The following RSBN1 variants were observed in gnomAD, a reference collection of about 807,000 sequenced individuals.
RSBN1 encodes lysine-specific demethylase 9.
RSBN1 carries 23 observed loss-of-function variants against 74.8 expected under a neutral mutation model. The ratio of observed to expected loss-of-function variants is 0.31; its 90% confidence interval spans 0.22 to 0.44. The LOEUF (loss-of-function observed/expected upper bound fraction) is 0.44. RSBN1 is among the 20% of genes least tolerant of loss of function. The probability of loss-of-function intolerance (pLI) is 1.00; values close to 1 mark genes in which losing one functional copy is unlikely to be tolerated. For synonymous variants in RSBN1, 407 were observed against 379.6 expected, an observed-to-expected ratio of 1.07 and a Z score of -0.84; for missense variants, 808 against 1,020.9, an observed-to-expected ratio of 0.79 and a Z score of 2.84.
At chr1:113,801,996 C>T (rs1660594250) in intron 1 of RSBN1, among the ~76,000 whole-genome samples, 1 of 150,464 alleles carries the variant, frequency 6.6e-6, no homozygotes. Context: ...TTACTCTCAT[C>T]CAGGCTGGAG....
At chr1:113,802,202 C>G (rs1660599011) in intron 1 of RSBN1, among the ~76,000 whole-genome samples, 1 of 151,772 alleles carries the variant, frequency 6.6e-6, no homozygotes, top group South Asian at 2.1e-4. Context: ...GTGATCTATC[C>G]GCCTCGGCCT....
intron 4 of RSBN1, among the ~76,000 whole-genome samples, chr1:113,770,981 T>G (rs1659875996): frequency 6.6e-6 from 1 of 151,622 alleles, no homozygotes; most frequent in Admixed American, 6.6e-5. Context: ...GTAAGAAAAA[T>G]TATCAGAAAG....
At chr1:113,796,144 A>G (rs1660467978) in intron 2 of RSBN1, 1 of 152,166 alleles carries the variant, frequency 6.6e-6, no homozygotes. Context: ...AAAAATGAAA[A>G]TGAAAAAAGA....
intron 1 of RSBN1, among the ~76,000 whole-genome samples, chr1:113,801,418 T>C (rs1660582735): frequency 6.6e-6 from 1 of 152,206 alleles, no homozygotes; most frequent in Non-Finnish European, 1.5e-5. Context: ...TGAATTACCG[T>C]GGTGGCAACT....
chr1:113,788,759 AC>A (rs1660307286), intron 2 of RSBN1, among the ~76,000 whole-genome samples: 1 of 152,164 alleles, frequency 6.6e-6, no homozygotes, highest in African/African-American at 2.4e-5. Flanking sequence ...AGGAGAAAGG[AC>A]AAATAGAAAC....
At position 113,811,830 on chromosome 1, in the gene RSBN1, G is replaced by A; in HGVS notation, c.583C>T (p.His195Tyr). The A allele has an allele frequency of 1.2e-6, 2 of 1,613,794 alleles. No homozygotes were observed. Among genetic ancestry groups the A allele is most frequent in the Non-Finnish European group, 1.7e-6 (2 of 1,179,972 alleles). ...HKGHKERHKHHHHRGPDGDPS... is the reference protein window; with the variant it reads ...HKGHKERHKHYHHRGPDGDPS... ...TCACCATCGGGGCCGCGGTGGTGAT[G>A]GTGCTTGTGCCGCTCCTTGTGGCCC... is the stretch of plus-strand genomic sequence containing the variant. Residue 195 changes from histidine (H) to tyrosine (Y), a missense_variant, in exon 1 of 7, where the codon CAT becomes TAT. His to Tyr is a moderately conservative substitution (Grantham distance 83). This residue lies in a region of RSBN1 where 464 missense variants were observed against 401.0 expected (regional missense o/e 1.16). Transcript: ENST00000261441.
Position 113,811,855 on chromosome 1 carries a change from C to A in RSBN1, c.558G>T (p.Lys186Asn). ...LTVSAAGPKH[K>N]GHKERHKHHH... ...GGTGCTTGTGCCGCTCCTTGTGGCC[C>A]TTATGCTTGGGCCCGGCCGCGCTCA... The change falls in exon 1 of 7, where the codon AAG becomes AAT. Residue 186 changes from lysine to asparagine, a missense_variant. This residue lies in a region of RSBN1 where 464 missense variants were observed against 401.0 expected (regional missense o/e 1.16). Coordinates refer to ENST00000261441, the MANE Select transcript of RSBN1 (RefSeq NM_018364.5). The A allele has an allele frequency of 6.2e-7, 1 of 1,613,592 alleles. No homozygotes were observed. Among genetic ancestry groups the A allele is most frequent in the East Asian group, 2.2e-5 (1 of 44,830 alleles).
chr1:113,798,240 C>A (rs1225384339), intron 1 of RSBN1, among the ~76,000 whole-genome samples: 2 of 151,848 alleles, frequency 1.3e-5, no homozygotes, highest in Non-Finnish European at 2.9e-5. Context: ...TTGAAGGTAT[C>A]CATTTTTCAA....
In RSBN1 at chr1:113,777,815, TAAAAC is replaced by T. The variant is rs1660060432; in HGVS notation, c.1378-12_1378-8del. 1 of 1,539,386 alleles carries T rather than the reference TAAAAC, an allele frequency of 6.5e-7. No homozygotes were observed. The highest frequency in any genetic ancestry group is 8.8e-7 in the Non-Finnish European group (1 of 1,138,766). ...AGCAGTATGTCCTGTTGACCTAAGATAAAACAAAAGAGGGAAAAATGGACTGAGGT... is the reference window on the plus strand; with the variant it reads ...AGCAGTATGTCCTGTTGACCTAAGATAAAAGAGGGAAAAATGGACTGAGGT... On this transcript the variant is annotated splice_region_variant and splice_polypyrimidine_tract_variant and intron_variant, in intron 2 of 6. Transcript: ENST00000261441.
rs1007274841 is a variant in RSBN1, at chr1:113,804,975, T to C, written c.703+6735A>G. On this transcript the variant is annotated intron_variant, in intron 1 of 6. Coordinates refer to ENST00000261441, the MANE Select transcript of RSBN1 (RefSeq NM_018364.5). ...AGCATACATATGAGCAATCCGGTCA[T>C]GTAATGACATTGGAGAAGACAGCCT... Among the ~76,000 whole-genome samples the C allele has an allele frequency of 5.9e-5, 9 of 151,782 alleles. No homozygotes were observed. In the East Asian group the frequency reaches 1.4e-3, roughly 23 times the overall value.
chr1:113,773,277 C>A (rs1659916380), intron 4 of RSBN1, among the ~76,000 whole-genome samples: 1 of 152,222 alleles, frequency 6.6e-6, no homozygotes, highest in African/African-American at 2.4e-5. Flanking sequence ...GAAATCCCAG[C>A]ACTTTGGCAG....
intron 1 of RSBN1, among the ~76,000 whole-genome samples, chr1:113,799,418 G>T (rs560576069): frequency 6.6e-6 from 1 of 152,226 alleles, no homozygotes; most frequent in South Asian, 2.1e-4. Flanking sequence ...CATTAAGTTT[G>T]GGGGAAGCTC....
chr1:113,768,414 A>G, intron 4 of RSBN1, 25 bp from the exon 5 acceptor site: 1 of 1,557,816 alleles, frequency 6.4e-7, no homozygotes, highest in Admixed American at 1.9e-5. Flanking sequence ...GTTGTTAAAC[A>G]AAGGGTAAGC....
intron 2 of RSBN1, among the ~76,000 whole-genome samples, chr1:113,793,192 G>C (rs919742151): frequency 9.9e-5 from 15 of 152,074 alleles, no homozygotes; most frequent in African/African-American, 3.4e-4. Flanking sequence ...GAAAATCTGG[G>C]TAAGAGCCCA....
Position 113,766,112 on chromosome 1 carries a change from A to C in RSBN1, c.2277T>G (p.Ser759=), listed in dbSNP as rs1310412597. ...GATTAAGTTCTGATGCAGGTGGGAA[A>C]GATGATGAAGCAGTTGTTAACAGCT... The part of the protein sequence containing the change: ...EIQLLTTASS[S]FPPASELNLQ... The change falls in exon 7 of 7, where the codon TCT becomes TCG. Residue 759 remains serine, a synonymous_variant. Transcript: ENST00000261441. 6.2e-7 allele frequency: 1 copy of C among 1,613,972 alleles called. No individual in the cohort carries two copies. Among genetic ancestry groups the C allele is most frequent in the Non-Finnish European group, 8.5e-7 (1 of 1,179,964 alleles).
In RSBN1 at chr1:113,761,917, G is replaced by T. The variant is rs1659685829; in HGVS notation, c.*4063C>A. The stretch of plus-strand genomic sequence containing the variant: ...GCATTCCATTGTCCTATTTTACAAA[G>T]AAATAGCTTAACAATTTAACACACT... On this transcript the variant is annotated 3_prime_UTR_variant, in exon 7 of 7. Transcript: ENST00000261441. 1 of 150,560 alleles carries T rather than the reference G, an allele frequency of 6.6e-6. No homozygotes were observed. Among genetic ancestry groups the T allele is most frequent in the South Asian group, 2.1e-4 (1 of 4,796 alleles). The allele number at this position is 150,560 out of a possible 1,614,324, so 9.3% of individuals were successfully genotyped here.
At position 113,766,206 on chromosome 1, in the gene RSBN1, C is replaced by T. The variant is rs1292087791; in HGVS notation, c.2183G>A (p.Arg728Gln). 6 of 1,613,992 alleles carry T rather than the reference C, an allele frequency of 3.7e-6. No homozygotes were observed. Among genetic ancestry groups the T allele is most frequent in the East Asian group, 2.2e-5 (1 of 44,894 alleles). The change falls in exon 7 of 7, where the codon CGA (arginine) becomes CAA (glutamine). Residue 728 changes from arginine to glutamine, a missense_variant. This residue lies in a region of RSBN1 where 91 missense variants were observed against 99.6 expected (regional missense o/e 0.91). Coordinates refer to ENST00000261441, the MANE Select transcript of RSBN1 (RefSeq NM_018364.5). ...SNMDCGLTGK[R>Q]ELEVDSQCVR... ...ACATTGGGAGTCAACTTCTAATTCT[C>T]GCTTTCCAGTTAAACCACAGTCCAT...
intron 1 of RSBN1, 123 bp from the exon 2 acceptor site, chr1:113,798,159 A>T: frequency 1.3e-6 from 1 of 784,394 alleles, no homozygotes; most frequent in South Asian, 2.0e-5. Flanking sequence ...ATTACAACTT[A>T]CGTGTTTAGA....
chr1:113,800,126 C>G (rs1014086768), intron 1 of RSBN1, among the ~76,000 whole-genome samples: 68 of 152,140 alleles, frequency 4.5e-4, no homozygotes, highest in African/African-American at 1.5e-3. Flanking sequence ...ACAAGGGTTA[C>G]GAAACCTTCT....
Sources: gnomAD v4.1 joint callset for allele counts (sites outside exome capture counted in the v4.1 genomes callset) on GRCh38, gnomAD v4.1.1 for gene constraint, gnomAD v4.1.1 regional missense constraint, MANE v1.5 for transcripts, NCBI Gene and HGNC (gene_info 2026-07-23, HGNC 2026-07-21) for gene names.